Variants in KLHL32 observed in about 807,000 individuals in gnomAD.
The protein encoded by KLHL32 is kelch like family member 32.
KLHL32 carries 35 observed loss-of-function variants against 64.8 expected under a neutral mutation model. That is an observed-to-expected ratio of 0.54 (90% CI 0.41 to 0.72). The LOEUF (loss-of-function observed/expected upper bound fraction) is 0.72. Among genes scored for constraint, KLHL32 ranks in the 30% least tolerant of loss-of-function variants. The pLI is 0.00. For synonymous variants in KLHL32, 259 were observed against 281.0 expected, an observed-to-expected ratio of 0.92 and a Z score of 0.78; for missense variants, 589 against 768.5, an observed-to-expected ratio of 0.77 and a Z score of 2.76.
In KLHL32 at chr6:97,069,575, T is replaced by G. The variant is rs112677836; in HGVS notation, c.411+4849T>G. The stretch of plus-strand genomic sequence containing the variant: ...TGTAGTTGGAAAATGTCTCACCACC[T>G]CCAGTTACACTGTGGGGCTTTCGAG... On this transcript the variant is annotated intron_variant, in intron 5 of 10. Coordinates refer to ENST00000369261, the MANE Select transcript of KLHL32 (RefSeq NM_052904.4). Among the ~76,000 whole-genome samples the G allele has an allele frequency of 7.3e-3, 1,112 of 152,190 alleles. 13 individuals carry two copies. The highest frequency in any genetic ancestry group is 0.024 in the African/African-American group (999 of 41,508).
rs148628106 is a variant in KLHL32, at chr6:96,932,680, C to T, written c.-66+7654C>T. 4.4e-4 allele frequency among the ~76,000 whole-genome samples: 66 copies of T among 151,326 alleles called. 1 individual carries two copies. The East Asian group carries it at 0.011, about 25-fold the overall frequency. On this transcript the variant is annotated intron_variant, in intron 1 of 10. Transcript: ENST00000369261. ...CTCCCGGGCTCAAGCAATCCTACCACCTCAGTCTCCCATGTAGTTGGAACT... is the reference window on the plus strand; with the variant it reads ...CTCCCGGGCTCAAGCAATCCTACCATCTCAGTCTCCCATGTAGTTGGAACT...
the KLHL32 span, among the ~76,000 whole-genome samples, chr6:96,912,664 T>C: frequency 6.6e-6 from 1 of 152,202 alleles, no homozygotes; most frequent in Non-Finnish European, 1.5e-5. Context: ...AAAATATGCT[T>C]AGGACTTAAA....
At chr6:97,006,853 G>C (rs1209352966) in intron 3 of KLHL32, among the ~76,000 whole-genome samples, 2 of 152,138 alleles carry the variant, frequency 1.3e-5, no homozygotes, top group Admixed American at 6.5e-5. Context: ...TCTGGTGAAA[G>C]GTCCACTGTT....
chr6:97,116,735 G>A (rs906587925), intron 7 of KLHL32, among the ~76,000 whole-genome samples: 3 of 152,080 alleles, frequency 2.0e-5, no homozygotes, highest in Non-Finnish European at 2.9e-5. Flanking sequence ...TAGATCCGTC[G>A]TCCTGGTATC....
At chr6:97,092,050 C>T (rs1794332950) in intron 6 of KLHL32, among the ~76,000 whole-genome samples, 1 of 150,298 alleles carries the variant, frequency 6.7e-6, no homozygotes, top group East Asian at 2.0e-4. Context: ...AGTGCAATGG[C>T]ACGATCTCAG....
chr6:97,095,339 A>T (rs778019069), intron 6 of KLHL32, among the ~76,000 whole-genome samples: 36 of 152,352 alleles, frequency 2.4e-4, no homozygotes, highest in Non-Finnish European at 5.9e-5. Flanking sequence ...ATAATGAAGT[A>T]AACAAAGGGG....
intron 1 of KLHL32, among the ~76,000 whole-genome samples, chr6:96,948,600 A>G (rs547273229): frequency 1.1e-4 from 17 of 152,262 alleles, no homozygotes; most frequent in Admixed American, 9.2e-4. Flanking sequence ...AGTATTTAGC[A>G]GTTTTAAGTA....
chr6:96,932,574 C>G (rs543685078), intron 1 of KLHL32, among the ~76,000 whole-genome samples: 50 of 133,988 alleles, frequency 3.7e-4, no homozygotes, highest in African/African-American at 7.2e-4. Flanking sequence ...TCCCCCCCCC[C>G]CTTTTTTTTT....
At chr6:97,066,139 T>C (rs1037849901) in intron 5 of KLHL32, among the ~76,000 whole-genome samples, 1 of 152,234 alleles carries the variant, frequency 6.6e-6, no homozygotes, top group African/African-American at 2.4e-5. Context: ...GAAATTAAAA[T>C]TACTTTTATT....
At chr6:97,016,381 T>C (rs531622868) in intron 3 of KLHL32, among the ~76,000 whole-genome samples, 3 of 152,374 alleles carry the variant, frequency 2.0e-5, no homozygotes, top group African/African-American at 4.8e-5. Context: ...ATGTGAGACA[T>C]GGCGTCAAAG....
At chr6:96,914,215 C>T in the KLHL32 span, among the ~76,000 whole-genome samples, 1 of 152,262 alleles carries the variant, frequency 6.6e-6, no homozygotes, top group South Asian at 2.1e-4. Context: ...CTGATATTAG[C>T]CCAGTGAGAC....
chr6:97,035,607 G>T (rs76867580), intron 3 of KLHL32, among the ~76,000 whole-genome samples: 3,665 of 151,940 alleles, frequency 0.024, 48 homozygotes, highest in East Asian at 0.071. Flanking sequence ...GCCAGATATT[G>T]TATACTTGGC....
chr6:97,110,445 G>A (rs1170198454), intron 6 of KLHL32, among the ~76,000 whole-genome samples: 3 of 152,166 alleles, frequency 2.0e-5, no homozygotes, highest in African/African-American at 7.2e-5. Flanking sequence ...AAACTAAAAA[G>A]ACAAGCCCAA....
intron 3 of KLHL32, among the ~76,000 whole-genome samples, chr6:97,011,997 G>C (rs984613141): frequency 1.4e-5 from 2 of 146,464 alleles, no homozygotes; most frequent in African/African-American, 5.4e-5. Flanking sequence ...ATTAAAGTTT[G>C]CTAAACATTG....
intron 4 of KLHL32, among the ~76,000 whole-genome samples, chr6:97,052,162 T>A (rs1206214086): frequency 1.3e-5 from 2 of 152,238 alleles, no homozygotes; most frequent in African/African-American, 4.8e-5. Context: ...TTTCAGTGTG[T>A]ACATGCTGGG....
intron 1 of KLHL32, among the ~76,000 whole-genome samples, chr6:96,959,805 G>A (rs1420085112): frequency 6.6e-6 from 1 of 152,140 alleles, no homozygotes; most frequent in East Asian, 1.9e-4. Flanking sequence ...TCAGAACAAT[G>A]CCAAGTGTCT....
Position 96,943,036 on chromosome 6 carries a change from T to TACACACACAC in KLHL32, c.-66+18035_-66+18044dup, listed in dbSNP as rs113696398. On this transcript the variant is annotated intron_variant, in intron 1 of 10. Coordinates refer to ENST00000369261, the MANE Select transcript of KLHL32 (RefSeq NM_052904.4). ...TGAGATGTATTGTTCATGCTCCCTC[T>TACACACACAC]ACACACACACACACACACACACACA... Among the ~76,000 whole-genome samples, 1,409 of 146,410 alleles carry TACACACACAC rather than the reference T, an allele frequency of 9.6e-3. 6 individuals carry two copies. Among genetic ancestry groups the TACACACACAC allele is most frequent in the Non-Finnish European group, 0.013 (880 of 66,168 alleles).
rs779287994 is a variant in KLHL32, at chr6:97,114,300, C to G, written c.1145C>G (p.Ala382Gly). Residue 382 changes from alanine (A) to glycine (G), a missense_variant, in exon 7 of 11, where the codon GCA becomes GGA. Transcript: ENST00000369261. ...DPRSNSWAEI[A>G]PMKNCREHFV... Reference sequence around the variant, plus strand: ...CGCAGTAATTCCTGGGCAGAGATAGCACCCATGAAAAACTGCCGGGAGCAT... The same window carrying G: ...CGCAGTAATTCCTGGGCAGAGATAGGACCCATGAAAAACTGCCGGGAGCAT... The G allele has an allele frequency of 1.9e-5, 31 of 1,614,024 alleles. No individual in the cohort carries two copies. The highest frequency in any genetic ancestry group is 2.6e-5 in the Non-Finnish European group (31 of 1,180,030).
At chr6:97,134,858 A>AT (rs1490669407) in intron 10 of KLHL32, among the ~76,000 whole-genome samples, 1 of 152,234 alleles carries the variant, frequency 6.6e-6, no homozygotes, top group African/African-American at 2.4e-5. Flanking sequence ...AGAAACTTAA[A>AT]TAAAAAAAAC....
Sources: allele counts gnomAD v4.1 joint callset (sites outside exome capture counted in the v4.1 genomes callset), GRCh38; gene constraint gnomAD v4.1.1; transcripts MANE v1.5; gene names NCBI Gene and HGNC (gene_info 2026-07-23, HGNC 2026-07-21).